The following ABCB5 variants were observed in gnomAD, a reference collection of about 807,000 sequenced individuals.
ABCB5 encodes ATP binding cassette subfamily B member 5.
In ABCB5, 155 loss-of-function variants were observed where a neutral mutation model predicts 144.2. The observed-to-expected ratio is 1.08, with a 90% CI of 0.94 to 1.23. The LOEUF (loss-of-function observed/expected upper bound fraction) is 1.23. Among genes scored for constraint, ABCB5 ranks in the 50% most tolerant of loss-of-function variants. The pLI is 0.00. For synonymous variants in ABCB5, 610 were observed against 528.6 expected, an observed-to-expected ratio of 1.15 and a Z score of -2.11; for missense variants, 1,830 against 1,520.8, an observed-to-expected ratio of 1.20 and a Z score of -3.38.
At chr7:20,668,457 T>C (rs1376366361) in intron 14 of ABCB5, among the ~76,000 whole-genome samples, 6 of 150,312 alleles carry the variant, frequency 4.0e-5, no homozygotes, top group East Asian at 4.1e-4. Flanking sequence ...GGCCGCCCCG[T>C]CTGAGAAGCG....
chr7:20,744,393 C>T (rs1001162898), intron 25 of ABCB5, among the ~76,000 whole-genome samples: 4 of 152,078 alleles, frequency 2.6e-5, no homozygotes, highest in Non-Finnish European at 5.9e-5. Flanking sequence ...ACCAGAATGT[C>T]CCCTTTGCAG....
At position 20,755,540 on chromosome 7, in the gene ABCB5, G is replaced by C; in HGVS notation, c.3690G>C (p.Lys1230Asn). The change falls in exon 28 of 28, where the codon AAG (lysine) becomes AAC (asparagine). Residue 1230 changes from lysine (K) to asparagine (N), a missense_variant. Transcript: ENST00000404938. ...TGATAGTGGTTCTGCACAATGGAAA[G>C]ATAAAGGAACAAGGAACTCATCAAG... ...ADLIVVLHNG[K>N]IKEQGTHQEL... is the part of the protein sequence containing the mutation. The C allele has an allele frequency of 6.2e-7, 1 of 1,614,152 alleles. No homozygotes were observed. The highest frequency in any genetic ancestry group is 8.5e-7 in the Non-Finnish European group (1 of 1,180,014).
intron 16 of ABCB5, among the ~76,000 whole-genome samples, chr7:20,694,023 T>TAA (rs1273411650): frequency 1.5e-5 from 2 of 133,990 alleles, no homozygotes; most frequent in African/African-American, 2.8e-5. Flanking sequence ...CTTTTTTCCC[T>TAA]AAAAAAAAAA....
intron 20 of ABCB5, among the ~76,000 whole-genome samples, chr7:20,710,048 G>A (rs1242394537): frequency 2.8e-5 from 4 of 144,174 alleles, no homozygotes; most frequent in South Asian, 2.3e-4. Flanking sequence ...CTGGGCGACA[G>A]AGCAAGACTC....
In ABCB5 at chr7:20,699,905, T is replaced by C. The variant is rs776287052; in HGVS notation, c.2235T>C (p.Ile745=). Residue 745 remains isoleucine, a synonymous_variant, in exon 18 of 28, where the codon ATT becomes ATC. Coordinates refer to ENST00000404938, the MANE Select transcript of ABCB5 (RefSeq NM_001163941.2). Reference sequence around the variant, plus strand: ...TGATATTCGTCATTTTGGGTGTTATTTGCTTTGTCAGTTATTTCATGCAGG... The same window carrying C: ...TGATATTCGTCATTTTGGGTGTTATCTGCTTTGTCAGTTATTTCATGCAGG... ...YSMIFVILGV[I]CFVSYFMQGL... The C allele has an allele frequency of 6.2e-7, 1 of 1,612,946 alleles. No homozygotes were observed. Among genetic ancestry groups the C allele is most frequent in the Non-Finnish European group, 8.5e-7 (1 of 1,179,396 alleles).
chr7:20,748,473 A>G (rs1298021955), intron 26 of ABCB5, among the ~76,000 whole-genome samples: 5 of 151,994 alleles, frequency 3.3e-5, no homozygotes, highest in Non-Finnish European at 5.9e-5. Context: ...AACATGGTGA[A>G]ACCCTGTCTT....
At chr7:20,748,012 T>C (rs760269855) in intron 26 of ABCB5, among the ~76,000 whole-genome samples, 49 of 152,162 alleles carry the variant, frequency 3.2e-4, no homozygotes, top group Non-Finnish European at 8.8e-5. Flanking sequence ...ATTTCCACCA[T>C]AGTACAGCAA....
At chr7:20,636,572 G>A (rs917227451) in intron 5 of ABCB5, among the ~76,000 whole-genome samples, 6 of 151,802 alleles carry the variant, frequency 4.0e-5, no homozygotes, top group Non-Finnish European at 7.4e-5. Flanking sequence ...ATCACTTGAG[G>A]TCAGGAATTC....
chr7:20,671,106 C>T (rs886683946), intron 14 of ABCB5, among the ~76,000 whole-genome samples: 6 of 152,118 alleles, frequency 3.9e-5, no homozygotes, highest in Non-Finnish European at 7.4e-5. Flanking sequence ...CCCATAGAAA[C>T]TTACATATGC....
intron 14 of ABCB5, among the ~76,000 whole-genome samples, chr7:20,669,224 T>C (rs1348014338): frequency 1.3e-3 from 187 of 141,360 alleles, no homozygotes; most frequent in Non-Finnish European, 2.2e-3. Context: ...GTCTGGGAGG[T>C]GTGCCCAGCG....
At chr7:20,686,677 C>T (rs535379156) in intron 16 of ABCB5, among the ~76,000 whole-genome samples, 4 of 152,262 alleles carry the variant, frequency 2.6e-5, no homozygotes, top group African/African-American at 9.6e-5. Context: ...AATCCCTCAC[C>T]CTTGCCCCTG....
At chr7:20,692,151 G>C (rs1218114310) in intron 16 of ABCB5, among the ~76,000 whole-genome samples, 1 of 151,978 alleles carries the variant, frequency 6.6e-6, no homozygotes, top group African/African-American at 2.4e-5. Context: ...TAAATTCTAA[G>C]CATAAGAAAC....
Position 20,726,920 on chromosome 7 carries a change from G to A in ABCB5, c.2626-120G>A, listed in dbSNP as rs1782055242. 9.4e-6 allele frequency: 5 copies of A among 529,316 alleles called. No homozygotes were observed. In the Admixed American group the frequency reaches 1.2e-4, roughly 12 times the overall value. 32.8% of individuals were successfully genotyped at this position (529,316 alleles called of 1,614,324 possible). ...AAAGGAAGCTAAGAATATTTGTCAG[G>A]AAAACTTACTGACTTGATATACTTA... is the stretch of plus-strand genomic sequence containing the variant. On this transcript the variant is annotated intron_variant, in intron 21 of 27. Coordinates refer to ENST00000404938, the MANE Select transcript of ABCB5 (RefSeq NM_001163941.2).
intron 26 of ABCB5, among the ~76,000 whole-genome samples, chr7:20,747,965 A>G (rs934287656): frequency 1.3e-5 from 2 of 152,212 alleles, no homozygotes; most frequent in Non-Finnish European, 2.9e-5. Context: ...CCAGCCACGC[A>G]TTCCCCAGCC....
chr7:20,622,074 G>C (rs1323444678), intron 1 of ABCB5, among the ~76,000 whole-genome samples: 1 of 152,046 alleles, frequency 6.6e-6, no homozygotes, highest in South Asian at 2.1e-4. Context: ...AGATAAGCTT[G>C]GTAAAGCACA....
chr7:20,666,647 T>C, intron 14 of ABCB5: 1 of 1,352,940 alleles, frequency 7.4e-7, no homozygotes, highest in Non-Finnish European at 9.7e-7. Context: ...AGACCTGTCT[T>C]CCTGGTGACC....
intron 14 of ABCB5, among the ~76,000 whole-genome samples, chr7:20,677,241 T>C (rs928242868): frequency 6.6e-6 from 1 of 152,200 alleles, no homozygotes; most frequent in African/African-American, 2.4e-5. Context: ...TCTCAGTATA[T>C]ACTTTTAGAA....
chr7:20,720,077 A>G (rs1226231872), intron 20 of ABCB5, among the ~76,000 whole-genome samples: 1 of 152,214 alleles, frequency 6.6e-6, no homozygotes, highest in Non-Finnish European at 1.5e-5. Flanking sequence ...GGATCTTTGG[A>G]GAAATGACTA....
chr7:20,647,819 G>A, intron 10 of ABCB5, 149 bp from the exon 11 acceptor site: 2 of 1,176,836 alleles, frequency 1.7e-6, no homozygotes, highest in Non-Finnish European at 2.4e-6. Flanking sequence ...AGATTGTGTT[G>A]TATTGAAACC....
Sources: gnomAD v4.1 joint callset for allele counts (sites outside exome capture counted in the v4.1 genomes callset) on GRCh38, gnomAD v4.1.1 for gene constraint, MANE v1.5 for transcripts, NCBI Gene and HGNC (gene_info 2026-07-23, HGNC 2026-07-21) for gene names.